LMOD1: variants seen among roughly 807,000 people sequenced by gnomAD.
LMOD1 encodes the protein leiomodin 1.
LMOD1 carries 8 observed loss-of-function variants against 36.5 expected under a neutral mutation model. The observed-to-expected ratio is 0.22, with a 90% CI of 0.13 to 0.40. The LOEUF is 0.40. Ranked by LOEUF, LMOD1 falls within the 10% of genes least tolerant of loss-of-function variation. The pLI, the probability that LMOD1 is intolerant of heterozygous loss-of-function variation, is 1.00. For missense variants in LMOD1, 630 were observed against 751.1 expected (o/e 0.84, Z 1.88); for synonymous variants, 284 against 288.7 (o/e 0.98, Z 0.17).
intron 1 of LMOD1, among the ~76,000 whole-genome samples, chr1:201,941,471 A>C (rs1682113870): frequency 6.6e-6 from 1 of 151,964 alleles, no homozygotes; most frequent in Non-Finnish European, 1.5e-5. Flanking sequence ...GGCCCCCGTC[A>C]CCTCTTCTGC....
chr1:201,923,076 C>T (rs1316270311), intron 1 of LMOD1, among the ~76,000 whole-genome samples: 4 of 152,164 alleles, frequency 2.6e-5, no homozygotes, highest in Non-Finnish European at 5.9e-5. Context: ...CCACCCGTCT[C>T]GGCCTCCCAA....
chr1:201,906,293 C>CCACTCT (rs1681410216), intron 1 of LMOD1, among the ~76,000 whole-genome samples: 3 of 152,136 alleles, frequency 2.0e-5, no homozygotes, highest in Admixed American at 6.5e-5. Flanking sequence ...TCTCCCAGTC[C>CCACTCT]CACTCTCATG....
chr1:201,907,641 C>G (rs754390222), intron 1 of LMOD1, among the ~76,000 whole-genome samples: 2 of 151,884 alleles, frequency 1.3e-5, no homozygotes, highest in Non-Finnish European at 2.9e-5. Context: ...CTCCCCCAAA[C>G]CCACCCCAGT....
At chr1:201,932,945 G>A (rs1228323340) in intron 1 of LMOD1, among the ~76,000 whole-genome samples, 7 of 152,122 alleles carry the variant, frequency 4.6e-5, no homozygotes, top group Non-Finnish European at 2.9e-5. Context: ...CCATTCTTAG[G>A]TACATACCCA....
chr1:201,909,391 G>C (rs1681456527), intron 1 of LMOD1, among the ~76,000 whole-genome samples: 1 of 152,176 alleles, frequency 6.6e-6, no homozygotes, highest in Non-Finnish European at 1.5e-5. Flanking sequence ...ATAGCTTTGA[G>C]CCCATATTTC....
chr1:201,924,885 T>C (rs1681802294), intron 1 of LMOD1, among the ~76,000 whole-genome samples: 1 of 151,666 alleles, frequency 6.6e-6, no homozygotes, highest in African/African-American at 2.4e-5. Context: ...ACCCTATCTC[T>C]GGAAAAAGAA....
At chr1:201,924,601 G>GAAGC (rs1681780307) in intron 1 of LMOD1, among the ~76,000 whole-genome samples, 1 of 148,756 alleles carries the variant, frequency 6.7e-6, no homozygotes, top group Non-Finnish European at 1.5e-5. Context: ...GGGAGGGAAG[G>GAAGC]AAGGAAGGAA....
chr1:201,898,495 G>A lies in LMOD1; in HGVS notation c.1777-97C>T, dbSNP rs188871039. 1.8e-4 allele frequency: 194 copies of A among 1,097,076 alleles called. No homozygotes were observed. In the South Asian group the frequency reaches 2.2e-3, roughly 12 times the overall value. The allele number at this position is 1,097,076 out of a possible 1,614,324, so 68.0% of individuals were successfully genotyped here. Reference sequence around the variant, plus strand: ...CACACAAGACACTGCAATATGTTATGTCTGTGGAATGTGAATGAGGTGTTG... The same window carrying A: ...CACACAAGACACTGCAATATGTTATATCTGTGGAATGTGAATGAGGTGTTG... On this transcript the variant is annotated intron_variant, in intron 2 of 2. Coordinates refer to ENST00000367288, the MANE Select transcript of LMOD1 (RefSeq NM_012134.3).
chr1:201,901,904 C>T (rs1347649223), intron 1 of LMOD1, among the ~76,000 whole-genome samples: 1 of 148,378 alleles, frequency 6.7e-6, no homozygotes, highest in Non-Finnish European at 1.5e-5. Flanking sequence ...CATATGCTAA[C>T]ATTTTATTTT....
chr1:201,918,536 C>T (rs572438475), intron 1 of LMOD1, among the ~76,000 whole-genome samples: 19 of 152,292 alleles, frequency 1.2e-4, no homozygotes, highest in African/African-American at 3.6e-4. Flanking sequence ...GGAACAGCCA[C>T]GCTGGGCTCT....
chr1:201,918,305 C>T (rs1393511249), intron 1 of LMOD1, among the ~76,000 whole-genome samples: 1 of 152,208 alleles, frequency 6.6e-6, no homozygotes, highest in Non-Finnish European at 1.5e-5. Context: ...CGGCCTCCAT[C>T]ATCTCTTGCC....
At chr1:201,902,617 T>G (rs1381598138) in intron 1 of LMOD1, among the ~76,000 whole-genome samples, 1 of 152,128 alleles carries the variant, frequency 6.6e-6, no homozygotes, top group Non-Finnish European at 1.5e-5. Flanking sequence ...CAGCTAATTT[T>G]TGTATTTTTA....
chr1:201,904,945 T>G (rs1324917276), intron 1 of LMOD1, among the ~76,000 whole-genome samples: 2 of 152,220 alleles, frequency 1.3e-5, no homozygotes, highest in Non-Finnish European at 2.9e-5. Context: ...TTCTTCTTGC[T>G]TCCAGAATTG....
Position 201,900,496 on chromosome 1 carries a change from C to T in LMOD1, c.517G>A (p.Gly173Arg), listed in dbSNP as rs1422334497. ...CTCTCCTCTCCTCTCCCATCCTTCC[C>T]TGCCTCCTTCTTATCCACTGCAGCC... Reference protein sequence around the residue: ...VRAAVDKKEAGKDGRGEERAV... With the variant: ...VRAAVDKKEARKDGRGEERAV... The change falls in exon 2 of 3, where the codon GGG (glycine) becomes AGG (arginine). Residue 173 changes from glycine (G) to arginine (R), a missense_variant. By Grantham distance (125) the Gly-to-Arg change is moderately radical. This residue lies in a region of LMOD1 where 405 missense variants were observed against 400.6 expected (regional missense o/e 1.01). Coordinates refer to ENST00000367288, the MANE Select transcript of LMOD1 (RefSeq NM_012134.3). The T allele has an allele frequency of 2.9e-5, 46 of 1,613,828 alleles. No homozygotes were observed. The highest frequency in any genetic ancestry group is 3.7e-5 in the Non-Finnish European group (44 of 1,179,850).
In LMOD1 at chr1:201,899,347, G is replaced by A; in HGVS notation, c.1666C>T (p.Pro556Ser). The A allele has an allele frequency of 1.2e-6, 2 of 1,609,908 alleles. No individual in the cohort carries two copies. The highest frequency in any genetic ancestry group is 8.5e-7 in the Non-Finnish European group (1 of 1,177,906). The change falls in exon 2 of 3, where the codon CCA (proline) becomes TCA (serine). Residue 556 changes from proline (P) to serine (S), a missense_variant. Physicochemically the swap from Pro to Ser is moderately conservative, Grantham distance 74. This residue lies in a region of LMOD1 where 144 missense variants were observed against 169.8 expected (regional missense o/e 0.85). Transcript: ENST00000367288. The surrounding 1 kb of genome is among the most constrained non-coding windows in gnomAD (Gnocchi z 6.3). ...TCTCCCATCTTCCTCTGGGTAGCTG[G>A]TGAGAGTGAATTCTTCAGGTTCTCC... The part of the protein sequence containing the change: ...IMENLKNSLS[P>S]ATQRKMGDKV...
intron 1 of LMOD1, among the ~76,000 whole-genome samples, chr1:201,936,143 T>C (rs951501293): frequency 3.3e-5 from 5 of 149,322 alleles, no homozygotes; most frequent in African/African-American, 1.2e-4. Context: ...ACCCAATAGC[T>C]TAGGCAGTAC....
intron 1 of LMOD1, among the ~76,000 whole-genome samples, chr1:201,907,281 C>A (rs1397059065): frequency 6.6e-6 from 1 of 152,230 alleles, no homozygotes; most frequent in Non-Finnish European, 1.5e-5. Flanking sequence ...TACAATGGGA[C>A]TGATCCCTCT....
intron 1 of LMOD1, among the ~76,000 whole-genome samples, chr1:201,924,037 C>T (rs1347079650): frequency 6.6e-6 from 1 of 151,564 alleles, no homozygotes; most frequent in Admixed American, 6.6e-5. Flanking sequence ...AAGAGAGAGG[C>T]TGGGCACAGT....
At chr1:201,946,008 T>A (rs994854685) in intron 1 of LMOD1, 72 bp downstream of exon 1, 10 of 1,467,630 alleles carry the variant, frequency 6.8e-6, no homozygotes, top group Non-Finnish European at 9.4e-6. Flanking sequence ...GAAGGAAGCA[T>A]CCTAATCATG....
Sources: allele counts gnomAD v4.1 joint callset (sites outside exome capture counted in the v4.1 genomes callset), GRCh38; gene constraint gnomAD v4.1.1; regional missense constraint gnomAD v4.1.1; non-coding constraint Gnocchi (gnomAD v3.1); transcripts MANE v1.5; gene names NCBI Gene and HGNC (gene_info 2026-07-23, HGNC 2026-07-21).